Variants in C2orf76 observed in about 807,000 individuals in gnomAD.
C2orf76 encodes the protein chromosome 2 open reading frame 76.
C2orf76 carries 23 observed loss-of-function variants against 16.9 expected under a neutral mutation model. That is an observed-to-expected ratio of 1.36 (90% confidence interval 0.98 to 1.93). The LOEUF (loss-of-function observed/expected upper bound fraction) is 1.93. C2orf76 is among the 30% of genes most tolerant of loss of function. C2orf76 has a pLI of 0.00. For synonymous variants in C2orf76, 48 were observed against 52.3 expected, an observed-to-expected ratio of 0.92 and a Z score of 0.35; for missense variants, 152 against 152.6, an observed-to-expected ratio of 1.00 and a Z score of 0.02.
chr2:119,321,115 G>C, intron 3 of C2orf76, 39 bp downstream of exon 3: 1 of 1,065,312 alleles, frequency 9.4e-7, no homozygotes, highest in Non-Finnish European at 1.3e-6. Flanking sequence ...ATGCAAAATT[G>C]TATTTATATA....
intron 1 of C2orf76, among the ~76,000 whole-genome samples, chr2:119,350,077 C>CCA (rs1553449818): frequency 1.2e-5 from 1 of 83,978 alleles, no homozygotes; most frequent in Non-Finnish European, 2.9e-5. Context: ...CCGCCCCCCG[C>CCA]CCCCCCACCG....
chr2:119,367,100 G>A (rs1001166293), upstream of C2orf76: 1 of 1,612,670 alleles, frequency 6.2e-7, no homozygotes, highest in East Asian at 2.2e-5. Flanking sequence ...GGTGCAGCGG[G>A]CGGGAGGCCC....
intron 2 of C2orf76, among the ~76,000 whole-genome samples, chr2:119,325,570 T>C (rs890816835): frequency 4.0e-5 from 6 of 151,786 alleles, no homozygotes; most frequent in Non-Finnish European, 7.4e-5. Context: ...TGAGCTATGG[T>C]TGCACCACTG....
chr2:119,365,455 C>T (rs1456328486), intron 1 of C2orf76, among the ~76,000 whole-genome samples: 1 of 152,180 alleles, frequency 6.6e-6, no homozygotes, highest in East Asian at 1.9e-4. Context: ...ACTGAAAACC[C>T]TAGATTTGTT....
At chr2:119,291,413 T>C in the C2orf76 span, among the ~76,000 whole-genome samples, 14 of 151,850 alleles carry the variant, frequency 9.2e-5, no homozygotes, top group African/African-American at 1.9e-4. Flanking sequence ...TTTATCCTTA[T>C]AGAAAGGAAA....
chr2:119,350,076 G>GCCC (rs1344357904), intron 1 of C2orf76, among the ~76,000 whole-genome samples: 1 of 32,848 alleles, frequency 3.0e-5, no homozygotes, highest in Non-Finnish European at 6.9e-5. Flanking sequence ...ACCGCCCCCC[G>GCCC]CCCCCCCACC....
At chr2:119,311,377 T>G in intron 5 of C2orf76, 3 of 985,420 alleles carry the variant, frequency 3.0e-6, no homozygotes, top group Non-Finnish European at 3.6e-6. Flanking sequence ...AGGAGAATTC[T>G]GAGCATACCT....
At chr2:119,290,533 TA>T in the C2orf76 span, among the ~76,000 whole-genome samples, 3 of 152,112 alleles carry the variant, frequency 2.0e-5, no homozygotes, top group Non-Finnish European at 4.4e-5. Flanking sequence ...CATTGACTTT[TA>T]AAATAAAATT....
chr2:119,309,141 C>T (rs975701258), intron 5 of C2orf76, among the ~76,000 whole-genome samples: 2 of 152,124 alleles, frequency 1.3e-5, no homozygotes, highest in Non-Finnish European at 2.9e-5. Flanking sequence ...GATCCACTAG[C>T]CTGGCATCCC....
At chr2:119,345,877 C>T (rs59481339) in intron 1 of C2orf76, among the ~76,000 whole-genome samples, 51 of 151,684 alleles carry the variant, frequency 3.4e-4, no homozygotes, top group Middle Eastern at 3.4e-3. Flanking sequence ...CTGGCTAACA[C>T]GGTGAAACCC....
chr2:119,366,876 G>A (rs986888168), upstream of C2orf76: 20 of 804,940 alleles, frequency 2.5e-5, no homozygotes, highest in African/African-American at 1.8e-4. Flanking sequence ...CGCGGCGGGG[G>A]CTGGGCACGC....
At chr2:119,308,574 G>C (rs1678874042) in intron 5 of C2orf76, among the ~76,000 whole-genome samples, 1 of 152,240 alleles carries the variant, frequency 6.6e-6, no homozygotes, top group Non-Finnish European at 1.5e-5. Context: ...CCAGGAGGTG[G>C]AGGCTGCAGT....
At chr2:119,337,710 T>C (rs1452537259) in intron 2 of C2orf76, among the ~76,000 whole-genome samples, 1 of 152,136 alleles carries the variant, frequency 6.6e-6, no homozygotes, top group Non-Finnish European at 1.5e-5. Flanking sequence ...GTTCACCTTT[T>C]AGTCAGTGGA....
At chr2:119,359,971 CT>C (rs1263606735) in intron 1 of C2orf76, among the ~76,000 whole-genome samples, 1 of 152,166 alleles carries the variant, frequency 6.6e-6, no homozygotes, top group Non-Finnish European at 1.5e-5. Context: ...ACAGAGAAGT[CT>C]TTCTTGAAAG....
In C2orf76 at chr2:119,323,614, G is replaced by C. The variant is rs181229917; in HGVS notation, c.134-2410C>G. Reference sequence around the variant, plus strand: ...CTGACTCACGGTAGGCTGGTCCCAGGCAGAGATATTTAAACACAAAACAAA... The same window carrying C: ...CTGACTCACGGTAGGCTGGTCCCAGCCAGAGATATTTAAACACAAAACAAA... On this transcript the variant is annotated intron_variant, in intron 2 of 5. Coordinates refer to ENST00000334816, the MANE Select transcript of C2orf76 (RefSeq NM_001322331.2). Among the ~76,000 whole-genome samples the C allele has an allele frequency of 2.4e-3, 364 of 152,198 alleles. 2 individuals carry two copies. Among genetic ancestry groups the C allele is most frequent in the Non-Finnish European group, 3.5e-3 (238 of 68,010 alleles).
intron 5 of C2orf76, chr2:119,311,297 A>G (rs1678977949): frequency 7.1e-6 from 7 of 985,282 alleles, no homozygotes; most frequent in Non-Finnish European, 7.2e-6. Flanking sequence ...CTCTCCAACC[A>G]TCGGCTCAAG....
intron 1 of C2orf76, among the ~76,000 whole-genome samples, chr2:119,352,109 C>T (rs182182096): frequency 4.6e-5 from 7 of 152,246 alleles, no homozygotes; most frequent in Non-Finnish European, 1.0e-4. Context: ...ATGGAGAAGA[C>T]CCTATAACCA....
chr2:119,339,873 C>A lies in C2orf76; in HGVS notation c.87G>T (p.Val29=). The part of the protein sequence containing the change: ...RNFKPVVYHG[V]NLDQTVKEFI... ...ATTCCTTTACAGTTTGGTCCAAATT[C>A]ACTCCGTGATACACTACAGGTTTGA... The change falls in exon 2 of 6, where the codon GTG becomes GTT. Residue 29 remains valine, a synonymous_variant. Transcript: ENST00000334816. The A allele has an allele frequency of 6.2e-7, 1 of 1,610,654 alleles. No homozygotes were observed. The highest frequency in any genetic ancestry group is 8.5e-7 in the Non-Finnish European group (1 of 1,177,120).
intron 3 of C2orf76, among the ~76,000 whole-genome samples, chr2:119,317,984 G>T (rs1319327224): frequency 1.3e-5 from 2 of 151,854 alleles, no homozygotes; most frequent in Admixed American, 6.6e-5. Context: ...ACTGTATCTA[G>T]GACCACCGGG....
Sources: gnomAD v4.1 joint callset for allele counts (sites outside exome capture counted in the v4.1 genomes callset) on GRCh38, gnomAD v4.1.1 for gene constraint, MANE v1.5 for transcripts, NCBI Gene and HGNC (gene_info 2026-07-23, HGNC 2026-07-21) for gene names.